The following NDUFAB1 variants were observed in gnomAD, a reference collection of about 807,000 sequenced individuals.
NDUFAB1 encodes acyl carrier protein, mitochondrial.
In NDUFAB1, 5 loss-of-function variants were observed where a neutral mutation model predicts 16.1. The observed-to-expected ratio is 0.31, with a 90% confidence interval of 0.16 to 0.65. NDUFAB1 has a LOEUF of 0.65. Ranked by LOEUF, NDUFAB1 falls within the 30% of genes least tolerant of loss-of-function variation. The pLI is 0.77. For synonymous variants in NDUFAB1, 85 were observed against 78.4 expected (o/e 1.08, Z -0.44); for missense variants, 187 against 205.3 (o/e 0.91, Z 0.54).
Position 23,596,229 on chromosome 16 carries a change from G to A in NDUFAB1, c.62C>T (p.Pro21Leu), listed in dbSNP as rs1226381080. 2.5e-6 allele frequency: 4 copies of A among 1,607,396 alleles called. No homozygotes were observed. The highest frequency in any genetic ancestry group is 1.7e-5 in the Admixed American group (1 of 59,506). The change falls in exon 1 of 5, where the codon CCC becomes CTC. Residue 21 changes from proline (P) to leucine (L), a missense_variant. Around this residue, in one of 3 missense-constraint regions of NDUFAB1, gnomAD observed 135 missense variants for 129.4 expected, o/e 1.04. Coordinates refer to ENST00000007516, the MANE Select transcript of NDUFAB1 (RefSeq NM_005003.3). ...GGCCACGGCCAGCATCCGGACCCGGGGCAGCGGCGCAAAGGCCGCGGGCAG... is the reference window on the plus strand; with the variant it reads ...GGCCACGGCCAGCATCCGGACCCGGAGCAGCGGCGCAAAGGCCGCGGGCAG... ...SRLPAAFAPL[P>L]RVRMLAVARP...
intron 1 of NDUFAB1, among the ~76,000 whole-genome samples, chr16:23,588,465 A>G (rs1966252045): frequency 6.6e-6 from 1 of 151,920 alleles, no homozygotes. Flanking sequence ...AAAAAAAGAA[A>G]AAGAAAGAAA....
intron 1 of NDUFAB1, among the ~76,000 whole-genome samples, chr16:23,594,035 C>T (rs937606770): frequency 5.9e-5 from 9 of 152,114 alleles, no homozygotes; most frequent in African/African-American, 2.2e-4. Context: ...CGCCCGCCAC[C>T]ACGCCCGGCT....
intron 3 of NDUFAB1, among the ~76,000 whole-genome samples, chr16:23,583,152 G>C (rs996714070): frequency 1.3e-5 from 2 of 152,250 alleles, no homozygotes; most frequent in African/African-American, 4.8e-5. Flanking sequence ...GCAGTGGCGT[G>C]ATCTCGGCTA....
At chr16:23,587,168 A>C in intron 2 of NDUFAB1, 29 bp downstream of exon 2, 1 of 1,596,930 alleles carries the variant, frequency 6.3e-7, no homozygotes, top group Non-Finnish European at 8.5e-7. Context: ...CTATATTTAA[A>C]GAAAAAAATT....
chr16:23,584,496 T>C (rs1228958250), intron 3 of NDUFAB1, among the ~76,000 whole-genome samples: 1 of 151,854 alleles, frequency 6.6e-6, no homozygotes, highest in African/African-American at 2.4e-5. Context: ...GTTGGGTTTT[T>C]ATAAATGGCT....
intron 1 of NDUFAB1, among the ~76,000 whole-genome samples, chr16:23,590,638 CTTTTT>C (rs398042088): frequency 7.6e-6 from 1 of 131,834 alleles, no homozygotes; most frequent in Non-Finnish European, 1.6e-5. Context: ...CCTCTGGTCT[CTTTTT>C]TTTTTTTTTT....
At chr16:23,581,453 G>A (rs905704307) in intron 4 of NDUFAB1, among the ~76,000 whole-genome samples, 10 of 151,804 alleles carry the variant, frequency 6.6e-5, no homozygotes, top group South Asian at 4.2e-4. Context: ...GGCTGAGGCC[G>A]GAGAATTGCT....
At chr16:23,585,936 T>C (rs910549124) in intron 2 of NDUFAB1, among the ~76,000 whole-genome samples, 5 of 152,218 alleles carry the variant, frequency 3.3e-5, no homozygotes, top group South Asian at 2.1e-4. Flanking sequence ...GTTGTCTGTT[T>C]TTTGGTTTTT....
intron 3 of NDUFAB1, 111 bp downstream of exon 3, chr16:23,585,225 C>T: frequency 1.3e-6 from 1 of 778,180 alleles, no homozygotes; most frequent in South Asian, 1.6e-5. Context: ...GTGGATGCTA[C>T]TGTTTCTATT....
chr16:23,585,636 T>C (rs1966226159), intron 2 of NDUFAB1, among the ~76,000 whole-genome samples: 1 of 152,210 alleles, frequency 6.6e-6, no homozygotes, highest in Admixed American at 6.5e-5. Context: ...ACATTAGGTA[T>C]TTCTCCTAAT....
chr16:23,591,834 C>G (rs1393322794), intron 1 of NDUFAB1, among the ~76,000 whole-genome samples: 1 of 152,210 alleles, frequency 6.6e-6, no homozygotes, highest in Admixed American at 6.5e-5. Flanking sequence ...TGCTTTTGCA[C>G]TACACACACC....
intron 1 of NDUFAB1, among the ~76,000 whole-genome samples, chr16:23,592,384 CTA>C (rs1966288155): frequency 6.7e-6 from 1 of 150,008 alleles, no homozygotes; most frequent in East Asian, 1.9e-4. Flanking sequence ...GTGCCTGTGT[CTA>C]TGTGAGAAGA....
chr16:23,594,585 C>T (rs1219661851), intron 1 of NDUFAB1, among the ~76,000 whole-genome samples: 1 of 151,940 alleles, frequency 6.6e-6, no homozygotes, highest in African/African-American at 2.4e-5. Context: ...ATCGCCTGAC[C>T]TCGTGATCCG....
chr16:23,581,084 T>C lies in NDUFAB1; in HGVS notation c.*98A>G, dbSNP rs1452067567. ...AAATACAAGTCCATCAGAATCACTC[T>C]GTCAGAGTCAGCAAGAATGCCAAAA... is the stretch of plus-strand genomic sequence containing the variant. On this transcript the variant is annotated 3_prime_UTR_variant, in exon 5 of 5. Coordinates refer to ENST00000007516, the MANE Select transcript of NDUFAB1 (RefSeq NM_005003.3). The C allele has an allele frequency of 2.6e-5, 4 of 152,696 alleles. No homozygotes were observed. Among genetic ancestry groups the C allele is most frequent in the Non-Finnish European group, 4.4e-5 (3 of 68,056 alleles). 9.5% of individuals were successfully genotyped at this position (152,696 alleles called of 1,614,324 possible).
rs1380528047 is a variant in NDUFAB1, at chr16:23,591,870, TAC to T, written c.168+4251_168+4252del. 7.9e-5 allele frequency among the ~76,000 whole-genome samples: 12 copies of T among 152,364 alleles called. No individual in the cohort carries two copies. In the East Asian group the frequency reaches 1.3e-3, roughly 17 times the overall value. On this transcript the variant is annotated intron_variant, in intron 1 of 4. Coordinates refer to ENST00000007516, the MANE Select transcript of NDUFAB1 (RefSeq NM_005003.3). Reference sequence around the variant, plus strand: ...TGTTTCACAATGCCTTGCCTTTATTTACACGACTGTCTCAGAAGCCTGGGAAC... The same window carrying T: ...TGTTTCACAATGCCTTGCCTTTATTTACGACTGTCTCAGAAGCCTGGGAAC...
intron 2 of NDUFAB1, among the ~76,000 whole-genome samples, chr16:23,586,090 G>A (rs558700000): frequency 1.7e-4 from 26 of 151,644 alleles, no homozygotes; most frequent in African/African-American, 5.8e-4. Flanking sequence ...ACCACGCCCA[G>A]CTAATTTTTG....
At position 23,585,407 on chromosome 16, in the gene NDUFAB1, T is replaced by C; in HGVS notation, c.308A>G (p.His103Arg). The change falls in exon 3 of 5, where the codon CAT becomes CGT. Residue 103 changes from histidine (H) to arginine (R), a missense_variant. This residue lies in a region of NDUFAB1 where 20 missense variants were observed against 47.1 expected (regional missense o/e 0.42). Transcript: ENST00000007516. ...GTCTAAGCCCAGGTCTTTCATAAAA[T>C]GAGAATTTACTGAAAGCTGCAAGAA... ...IDPEKLSVNS[H>R]FMKDLGLDSL... 1.2e-6 allele frequency: 2 copies of C among 1,613,764 alleles called. No individual in the cohort carries two copies. The highest frequency in any genetic ancestry group is 1.7e-6 in the Non-Finnish European group (2 of 1,179,718).
intron 1 of NDUFAB1, among the ~76,000 whole-genome samples, chr16:23,590,081 A>C (rs139839592): frequency 1.3e-5 from 2 of 152,300 alleles, no homozygotes; most frequent in African/African-American, 4.8e-5. Context: ...GCAACAAAGC[A>C]AGACCCCTGG....
intron 1 of NDUFAB1, 86 bp from the exon 2 acceptor site, chr16:23,587,405 A>G (rs1252262044): frequency 2.0e-6 from 3 of 1,516,198 alleles, no homozygotes; most frequent in African/African-American, 2.8e-5. Context: ...ACTTTCACAG[A>G]ACTTTCGGGG....
Sources: gnomAD v4.1 joint callset for allele counts (sites outside exome capture counted in the v4.1 genomes callset) on GRCh38, gnomAD v4.1.1 for gene constraint, gnomAD v4.1.1 regional missense constraint, MANE v1.5 for transcripts, NCBI Gene and HGNC (gene_info 2026-07-23, HGNC 2026-07-21) for gene names.